Variants in LAMA2 observed in about 807,000 individuals in gnomAD.
LAMA2 encodes laminin subunit alpha 2, also known as laminin subunit alpha-2.
In LAMA2, 269 loss-of-function variants were observed where a neutral mutation model predicts 364.8. The observed-to-expected ratio is 0.74, with a 90% confidence interval of 0.67 to 0.82. The LOEUF (loss-of-function observed/expected upper bound fraction) is 0.82. Ranked by LOEUF, LAMA2 falls within the 40% of genes least tolerant of loss-of-function variation. LAMA2 has a pLI of 0.00. For missense variants in LAMA2, 3,807 were observed against 3,873.2 expected, an observed-to-expected ratio of 0.98 and a Z score of 0.45; for synonymous variants, 1,379 against 1,370.6, an observed-to-expected ratio of 1.01 and a Z score of -0.14.
At chr6:128,979,250 G>T (rs1465463856) in intron 1 of LAMA2, among the ~76,000 whole-genome samples, 1 of 152,200 alleles carries the variant, frequency 6.6e-6, no homozygotes, top group Non-Finnish European at 1.5e-5. Flanking sequence ...AGCCATGACA[G>T]TATCTGGCAT....
chr6:129,452,901 C>T (rs572093279), intron 45 of LAMA2, 87 bp from the exon 46 acceptor site: 6 of 1,175,702 alleles, frequency 5.1e-6, no homozygotes, highest in African/African-American at 4.5e-5. Flanking sequence ...AAAGAAGAAA[C>T]GATGATGGCT....
At chr6:129,476,483 A>C (rs1436019460) in intron 53 of LAMA2, among the ~76,000 whole-genome samples, 1 of 152,162 alleles carries the variant, frequency 6.6e-6, no homozygotes, top group African/African-American at 2.4e-5. Context: ...CCCTCAAGAA[A>C]CAGGGACCCG....
At chr6:128,928,443 A>C (rs1476571081) in intron 1 of LAMA2, among the ~76,000 whole-genome samples, 3 of 152,186 alleles carry the variant, frequency 2.0e-5, no homozygotes, top group African/African-American at 7.2e-5. Context: ...ATTTCAACAA[A>C]ATGTTTATAA....
intron 3 of LAMA2, among the ~76,000 whole-genome samples, chr6:129,093,743 A>G (rs1774992638): frequency 6.6e-6 from 1 of 152,236 alleles, no homozygotes; most frequent in African/African-American, 2.4e-5. Flanking sequence ...TGGAATATGA[A>G]ATAGAAAGTT....
intron 4 of LAMA2, among the ~76,000 whole-genome samples, chr6:129,102,329 G>A (rs909345785): frequency 6.6e-6 from 1 of 151,532 alleles, no homozygotes; most frequent in Non-Finnish European, 1.5e-5. Flanking sequence ...TACAGACAGG[G>A]TTTCACCATG....
intron 30 of LAMA2, among the ~76,000 whole-genome samples, chr6:129,345,161 A>G (rs1057008302): frequency 5.3e-5 from 8 of 152,128 alleles, no homozygotes; most frequent in East Asian, 3.9e-4. Context: ...AGGAGTTCCA[A>G]TGTCCAGGTT....
At chr6:129,208,564 GAGAA>G (rs1346261410) in intron 12 of LAMA2, among the ~76,000 whole-genome samples, 8 of 76,540 alleles carry the variant, frequency 1.0e-4, no homozygotes, top group Non-Finnish European at 1.6e-4. Context: ...AAGAAAGAAA[GAGAA>G]AGAAAGAGAA....
intron 32 of LAMA2, among the ~76,000 whole-genome samples, chr6:129,361,021 T>C (rs2114609020): frequency 6.6e-6 from 1 of 152,334 alleles, no homozygotes; most frequent in African/African-American, 2.4e-5. Flanking sequence ...AGGTAGGTTA[T>C]ATATTATTAA....
At chr6:129,284,233 T>A (rs765729995) in intron 18 of LAMA2, among the ~76,000 whole-genome samples, 1 of 16,352 alleles carries the variant, frequency 6.1e-5, no homozygotes, top group Non-Finnish European at 7.7e-4. Flanking sequence ...CTTCTGTGCC[T>A]TTGCCAATAC....
In LAMA2 at chr6:129,342,436, T is replaced by C. The variant is rs1776321127; in HGVS notation, c.4405T>C (p.Cys1469Arg). The C allele has an allele frequency of 6.2e-7, 1 of 1,613,510 alleles. No homozygotes were observed. The highest frequency in any genetic ancestry group is 8.5e-7 in the Non-Finnish European group (1 of 1,179,542). ...VKGLPNDCQQ[C>R]ACPLISSSNN... ...GGGATTGCCAAATGACTGTCAGCAA[T>C]GTGCCTGCCCTCTGATTTCTTCCAG... The change falls in exon 30 of 65, where the codon TGT (cysteine) becomes CGT (arginine). Residue 1469 changes from cysteine (C) to arginine (R), a missense_variant. By Grantham distance (180) the Cys-to-Arg change is radical (BLOSUM62 -3). Coordinates refer to ENST00000421865, the MANE Select transcript of LAMA2 (RefSeq NM_000426.4).
rs546374516 is a variant in LAMA2 at position 129,109,353 on chromosome 6, G to A, written c.639+10938G>A. 3.3e-5 allele frequency among the ~76,000 whole-genome samples: 5 copies of A among 152,146 alleles called. No homozygotes were observed. In the South Asian group the frequency reaches 6.2e-4, roughly 19 times the overall value. Reference sequence around the variant, plus strand: ...TGTACACGTTTCAGTTTTTGACTACGACTTTAATGGTCCACAAGAAAGGCC... The same window carrying A: ...TGTACACGTTTCAGTTTTTGACTACAACTTTAATGGTCCACAAGAAAGGCC... On this transcript the variant is annotated intron_variant, in intron 4 of 64. Transcript: ENST00000421865.
intron 9 of LAMA2, among the ~76,000 whole-genome samples, chr6:129,168,339 G>A (rs1206606118): frequency 1.3e-5 from 2 of 151,336 alleles, no homozygotes; most frequent in African/African-American, 4.8e-5. Flanking sequence ...ATTGATTTTT[G>A]TATAAGGTGT....
intron 3 of LAMA2, among the ~76,000 whole-genome samples, chr6:129,087,417 G>A (rs971235736): frequency 3.9e-5 from 6 of 152,124 alleles, no homozygotes; most frequent in African/African-American, 9.7e-5. Flanking sequence ...CAGCAGGGGC[G>A]CACATACAGG....
rs751539960 is a variant in LAMA2, at chr6:129,315,504, T to C, written c.3584T>C (p.Leu1195Pro). ...WVTLKAEQTILPLVDEALQHT... is the reference protein window; with the variant it reads ...WVTLKAEQTIPPLVDEALQHT... ...ACTCTGAAGGCTGAGCAGACCATTC[T>C]ACCCCTGGTAGATGAGGCTCTGCAG... The change falls in exon 25 of 65, where the codon CTA (leucine) becomes CCA (proline). Residue 1195 changes from leucine (L) to proline (P), a missense_variant. This residue lies in a region of LAMA2 where 3,333 missense variants were observed against 3,345.7 expected (regional missense o/e 1.00). Transcript: ENST00000421865. The C allele has an allele frequency of 3.1e-6, 5 of 1,614,232 alleles. No homozygotes were observed. The Admixed American group carries it at 8.3e-5, about 27-fold the overall frequency.
At chr6:129,256,763 C>CATATAT (rs199726173) in intron 14 of LAMA2, among the ~76,000 whole-genome samples, 7,976 of 87,010 alleles carry the variant, frequency 0.092, 757 homozygotes, top group Non-Finnish European at 0.12. Flanking sequence ...AATTATATAG[C>CATATAT]ATATATATAT....
intron 55 of LAMA2, among the ~76,000 whole-genome samples, chr6:129,486,062 A>C (rs1784569410): frequency 6.6e-6 from 1 of 152,234 alleles, no homozygotes; most frequent in South Asian, 2.1e-4. Context: ...AACAAATTGA[A>C]GTCTAAATAC....
intron 1 of LAMA2, among the ~76,000 whole-genome samples, chr6:128,967,996 A>G (rs1175506787): frequency 6.6e-6 from 1 of 152,160 alleles, no homozygotes; most frequent in African/African-American, 2.4e-5. Flanking sequence ...GTGAGGGCCA[A>G]TTTTGCTCTC....
intron 4 of LAMA2, among the ~76,000 whole-genome samples, chr6:129,125,336 T>G (rs1777050618): frequency 6.6e-6 from 1 of 152,180 alleles, no homozygotes; most frequent in Non-Finnish European, 1.5e-5. Flanking sequence ...AGATGAGAAA[T>G]GCTGCTTAAA....
intron 62 of LAMA2, 74 bp from the exon 63 acceptor site, chr6:129,512,289 T>C: frequency 7.3e-7 from 1 of 1,373,466 alleles, no homozygotes; most frequent in Non-Finnish European, 1.0e-6. Flanking sequence ...TAATAAAAAG[T>C]CATGCATTGT....
Sources: gnomAD v4.1 joint callset for allele counts (sites outside exome capture counted in the v4.1 genomes callset) on GRCh38, gnomAD v4.1.1 for gene constraint, gnomAD v4.1.1 regional missense constraint, MANE v1.5 for transcripts, NCBI Gene and HGNC (gene_info 2026-07-23, HGNC 2026-07-21) for gene names.